PCDHA1: variants seen among roughly 807,000 people sequenced by gnomAD.
The protein encoded by PCDHA1 is protocadherin alpha 1.
Under a neutral mutation model 61.3 loss-of-function variants are expected in PCDHA1, and 42 were observed. That is an observed-to-expected ratio of 0.69 (90% confidence interval 0.54 to 0.89). The LOEUF is 0.89. Among genes scored for constraint, PCDHA1 ranks in the 40% least tolerant of loss-of-function variants. PCDHA1 has a pLI of 0.00. For synonymous variants in PCDHA1, 610 were observed against 553.8 expected (o/e 1.10, Z -1.43); for missense variants, 1,256 against 1,235.3 (o/e 1.02, Z -0.25).
At chr5:140,945,371 A>G (rs926668947) in intron 1 of PCDHA1, among the ~76,000 whole-genome samples, 2 of 152,104 alleles carry the variant, frequency 1.3e-5, no homozygotes, top group African/African-American at 4.8e-5. Context: ...AAATGTCCAT[A>G]TTACCCAAAG....
At position 140,852,587 on chromosome 5, in the gene PCDHA1, T is replaced by A. The variant is rs2150519180; in HGVS notation, c.2394+63903T>A. The stretch of plus-strand genomic sequence containing the variant: ...CACTGTGCCAAGGCTTTTTTATTTT[T>A]TTTTTTTGTCATTTTCTTTCAAAAC... On this transcript the variant is annotated intron_variant, in intron 1 of 3. Coordinates refer to ENST00000504120, the MANE Select transcript of PCDHA1 (RefSeq NM_018900.4). 5.8e-4 allele frequency: 511 copies of A among 881,870 alleles called. 32 individuals carry two copies. Among genetic ancestry groups the A allele is most frequent in the Admixed American group, 7.6e-4 (12 of 15,710 alleles). 54.6% of individuals were successfully genotyped at this position (881,870 alleles called of 1,614,324 possible).
At chr5:140,843,177 G>A (rs1778635433) in intron 1 of PCDHA1, 1 of 1,596,058 alleles carries the variant, frequency 6.3e-7, no homozygotes, top group Non-Finnish European at 8.6e-7. Context: ...AGCAGCCCTC[G>A]CATCCCGTTC....
At chr5:140,809,536 A>G (rs782052036) in intron 1 of PCDHA1, 1 of 1,613,706 alleles carries the variant, frequency 6.2e-7, no homozygotes, top group Non-Finnish European at 8.5e-7. Context: ...GGGACAGAGA[A>G]GATCAGCTGC....
At chr5:140,877,143 C>G (rs782522652) in intron 1 of PCDHA1, 2 of 1,613,668 alleles carry the variant, frequency 1.2e-6, no homozygotes, top group African/African-American at 2.7e-5. Context: ...TCGTGCTGGA[C>G]GAGAACGACA....
Position 141,010,476 on chromosome 5 carries a change from G to T in PCDHA1, c.*539G>T. ...GAAGTTATCAGTATGGAGGGGAAGT[G>T]TAAACTTAAAGGGACCAGACTTTCT... is the stretch of plus-strand genomic sequence containing the variant. On this transcript the variant is annotated 3_prime_UTR_variant, in exon 4 of 4. Coordinates refer to ENST00000504120, the MANE Select transcript of PCDHA1 (RefSeq NM_018900.4). 1.3e-6 allele frequency: 1 copy of T among 752,476 alleles called. No individual in the cohort carries two copies. Among genetic ancestry groups the T allele is most frequent in the Non-Finnish European group, 2.0e-6 (1 of 499,640 alleles). The allele number at this position is 752,476 out of a possible 1,614,324, so 46.6% of individuals were successfully genotyped here. A position where few individuals can be genotyped will look rare whatever the true frequency, so the allele number is the denominator to read the frequency against.
intron 1 of PCDHA1, among the ~76,000 whole-genome samples, chr5:140,906,410 A>T (rs1454575995): frequency 6.6e-6 from 1 of 152,246 alleles, no homozygotes; most frequent in Non-Finnish European, 1.5e-5. Flanking sequence ...ATATGAAGTC[A>T]ATAAATCTTA....
intron 1 of PCDHA1, among the ~76,000 whole-genome samples, chr5:140,954,107 C>G (rs1375819333): frequency 2.0e-5 from 3 of 152,182 alleles, no homozygotes; most frequent in Admixed American, 1.3e-4. Flanking sequence ...CTGCAAAGGA[C>G]AAGATCTTGT....
intron 3 of PCDHA1, among the ~76,000 whole-genome samples, chr5:140,989,792 C>T (rs1324674581): frequency 6.6e-6 from 1 of 152,142 alleles, no homozygotes; most frequent in African/African-American, 2.4e-5. Flanking sequence ...CTAGAGGCCC[C>T]CAGGAAAGGG....
chr5:140,998,442 T>G lies in PCDHA1; in HGVS notation c.2543-11185T>G, dbSNP rs368931467. On this transcript the variant is annotated intron_variant, in intron 3 of 3. Coordinates refer to ENST00000504120, the MANE Select transcript of PCDHA1 (RefSeq NM_018900.4). ...GGTTTATCCTTTAACACTATTATTGTATTTATTCATTTACTTGTCTTTTCC... is the reference window on the plus strand; with the variant it reads ...GGTTTATCCTTTAACACTATTATTGGATTTATTCATTTACTTGTCTTTTCC... 1.7e-4 allele frequency among the ~76,000 whole-genome samples: 26 copies of G among 152,352 alleles called. No individual in the cohort carries two copies. In the South Asian group the frequency reaches 5.2e-3, roughly 30 times the overall value.
intron 1 of PCDHA1, chr5:140,862,660 G>T: frequency 1.8e-6 from 1 of 546,542 alleles, no homozygotes; most frequent in Non-Finnish European, 3.7e-6. Flanking sequence ...GCGGGACCGG[G>T]ACGCGCAGGA....
chr5:140,942,679 G>C (rs549826522), intron 1 of PCDHA1, among the ~76,000 whole-genome samples: 1 of 152,020 alleles, frequency 6.6e-6, no homozygotes, highest in African/African-American at 2.4e-5. Context: ...AAAGTTTTAG[G>C]AATAACTTTA....
intron 1 of PCDHA1, chr5:140,968,253 C>T: frequency 6.2e-7 from 1 of 1,614,026 alleles, no homozygotes; most frequent in Non-Finnish European, 8.5e-7. Context: ...GCCACAGACC[C>T]AGATGAAAAG....
intron 1 of PCDHA1, chr5:140,867,710 G>A (rs2050114623): frequency 6.6e-6 from 1 of 151,674 alleles, no homozygotes; most frequent in Non-Finnish European, 1.5e-5. Context: ...AAATCCTAAG[G>A]GTATATGAAA....
Position 140,851,168 on chromosome 5 carries a change from A to G in PCDHA1, c.2394+62484A>G, listed in dbSNP as rs899165006. 39 of 1,280,680 alleles carry G rather than the reference A, an allele frequency of 3.0e-5. 2 individuals are homozygous for G. Among genetic ancestry groups the G allele is most frequent in the Admixed American group, 1.3e-4 (4 of 31,186 alleles). The allele number at this position is 1,280,680 out of a possible 1,614,324, so 79.3% of individuals were successfully genotyped here. On this transcript the variant is annotated intron_variant, in intron 1 of 3. Transcript: ENST00000504120. ...ATTGAATTTCTGATGCTATGCTGCC[A>G]TAACACTTGAAAACCAATTTAGTTG...
chr5:140,928,836 C>G, intron 1 of PCDHA1: 2 of 1,614,168 alleles, frequency 1.2e-6, no homozygotes, highest in South Asian at 2.2e-5. Context: ...CACTTTCCTC[C>G]TCTGTCACTC....
chr5:140,801,347 G>A, intron 1 of PCDHA1: 1 of 1,613,374 alleles, frequency 6.2e-7, no homozygotes, highest in Non-Finnish European at 8.5e-7. Context: ...GCATCGCGCA[G>A]GACCTGGGGC....
intron 1 of PCDHA1, among the ~76,000 whole-genome samples, chr5:140,806,114 C>T (rs1647201043): frequency 6.6e-6 from 1 of 152,140 alleles, no homozygotes; most frequent in Admixed American, 6.6e-5. Flanking sequence ...TTGGTTTGAT[C>T]ATGACATTCT....
chr5:140,843,036 G>A (rs2150350746), intron 1 of PCDHA1: 3 of 1,595,194 alleles, frequency 1.9e-6, no homozygotes, highest in Middle Eastern at 1.7e-4. Context: ...CGGGTGGGTG[G>A]CACTGGTGGC....
At chr5:140,901,060 A>AT (rs542927280) in intron 1 of PCDHA1, among the ~76,000 whole-genome samples, 21 of 151,128 alleles carry the variant, frequency 1.4e-4, no homozygotes, top group African/African-American at 3.2e-4. Flanking sequence ...AGATTATTAG[A>AT]TTTTTTTTTC....
Sources: allele counts gnomAD v4.1 joint callset (sites outside exome capture counted in the v4.1 genomes callset), GRCh38; gene constraint gnomAD v4.1.1; transcripts MANE v1.5; gene names NCBI Gene and HGNC (gene_info 2026-07-23, HGNC 2026-07-21).